CSNK1G1: variants seen among roughly 807,000 people sequenced by gnomAD.
CSNK1G1 encodes the protein casein kinase I isoform gamma-1.
A neutral mutation model predicts 59.6 loss-of-function variants in CSNK1G1; 22 were observed. The observed-to-expected ratio is 0.37, with a 90% CI of 0.26 to 0.53. The LOEUF is 0.53. Among genes scored for constraint, CSNK1G1 ranks in the 20% least tolerant of loss-of-function variants. CSNK1G1 has a pLI of 0.89. For missense variants in CSNK1G1, 384 were observed against 519.5 expected (o/e 0.74, Z 2.54); for synonymous variants, 179 against 177.1 (o/e 1.01, Z -0.08).
intron 1 of CSNK1G1, among the ~76,000 whole-genome samples, chr15:64,313,664 G>A (rs1896112689): frequency 6.6e-6 from 1 of 151,780 alleles, no homozygotes; most frequent in Non-Finnish European, 1.5e-5. Context: ...ATGGGTTGAT[G>A]GGTGCAGGAA....
At chr15:64,267,207 A>G (rs549474950) in intron 2 of CSNK1G1, among the ~76,000 whole-genome samples, 1 of 151,588 alleles carries the variant, frequency 6.6e-6, no homozygotes, top group South Asian at 2.1e-4. Context: ...AAGTGAGCCA[A>G]GACTGTGCCA....
intron 2 of CSNK1G1, chr15:64,265,990 G>A: frequency 3.1e-6 from 1 of 323,768 alleles, no homozygotes; most frequent in South Asian, 2.6e-5. Flanking sequence ...AGACTGAGAT[G>A]GGAAGAATGT....
rs2081596838 is a variant in CSNK1G1, at chr15:64,165,857, A to T, written c.*6074T>A. 1 of 440,414 alleles carries T rather than the reference A, an allele frequency of 2.3e-6. No homozygotes were observed. Among genetic ancestry groups the T allele is most frequent in the Non-Finnish European group, 4.0e-6 (1 of 249,306 alleles). 27.3% of individuals were successfully genotyped at this position (440,414 alleles called of 1,614,324 possible). On this transcript the variant is annotated 3_prime_UTR_variant, in exon 12 of 12. Coordinates refer to ENST00000303052, the MANE Select transcript of CSNK1G1 (RefSeq NM_022048.5). ...TTTGTGTTTTCCATGGTGCCCTAGG[A>T]AATGGGCTACTCTGAGATCACATAT...
chr15:64,213,820 G>T, intron 6 of CSNK1G1, 70 bp downstream of exon 6: 1 of 1,036,670 alleles, frequency 9.6e-7, no homozygotes, highest in Non-Finnish European at 1.5e-6. Context: ...GCACAATGGG[G>T]ATATAATGTT....
intron 6 of CSNK1G1, among the ~76,000 whole-genome samples, chr15:64,212,176 C>T (rs1056224765): frequency 1.3e-5 from 2 of 152,154 alleles, no homozygotes; most frequent in Admixed American, 6.5e-5. Context: ...TCCAAAGTAA[C>T]GCTGATAGTA....
intron 4 of CSNK1G1, among the ~76,000 whole-genome samples, chr15:64,229,952 C>T (rs2082523648): frequency 1.3e-5 from 1 of 77,182 alleles, no homozygotes; most frequent in Non-Finnish European, 2.5e-5. Flanking sequence ...GACAGAATCT[C>T]ACTCTGTCGC....
chr15:64,311,616 G>C lies in CSNK1G1; in HGVS notation c.-224-10893C>G, dbSNP rs1439196973. ...TGACATGCATGATGACCACGCCTGT[G>C]AATAGCTACTACATTCCAGCCTGGA... is the stretch of plus-strand genomic sequence containing the variant. On this transcript the variant is annotated intron_variant, in intron 1 of 11. Transcript: ENST00000303052. Among the ~76,000 whole-genome samples the C allele has an allele frequency of 6.5e-5, 9 of 138,092 alleles. No individual in the cohort carries two copies. In the East Asian group the frequency reaches 2.1e-3, roughly 32 times the overall value. The allele number at this position is 138,092 out of a possible 152,430, so 90.6% of individuals were successfully genotyped here. A position where few individuals can be genotyped will look rare whatever the true frequency, so the allele number is the denominator to read the frequency against.
rs1429311824 is a variant in CSNK1G1 at position 64,176,396 on chromosome 15, G to C, written c.1214+3952C>G. On this transcript the variant is annotated intron_variant, in intron 11 of 11. Coordinates refer to ENST00000303052, the MANE Select transcript of CSNK1G1 (RefSeq NM_022048.5). This position sits in a 1 kb window ranked among gnomAD's most constrained non-coding sequence, Gnocchi z 5.2. ...TCCCTGTGAGCCATGCAAACATGCA[G>C]TATGTGTCTGTGTTTAGTTTCTTCT... 2.5e-6 allele frequency: 1 copy of C among 397,354 alleles called. No individual in the cohort carries two copies. The highest frequency in any genetic ancestry group is 4.4e-6 in the Non-Finnish European group (1 of 225,630). 24.6% of individuals were successfully genotyped at this position (397,354 alleles called of 1,614,324 possible). A position where few individuals can be genotyped will look rare whatever the true frequency, so the allele number is the denominator to read the frequency against.
chr15:64,349,137 C>CAA (rs1258780843), intron 1 of CSNK1G1, among the ~76,000 whole-genome samples: 44 of 54,650 alleles, frequency 8.1e-4, no homozygotes, highest in African/African-American at 2.3e-3. Flanking sequence ...AACTCCACCT[C>CAA]AAAAAAAAAA....
intron 3 of CSNK1G1, among the ~76,000 whole-genome samples, chr15:64,255,261 G>A (rs1044983179): frequency 6.6e-6 from 1 of 151,916 alleles, no homozygotes; most frequent in African/African-American, 2.4e-5. Context: ...ATTTTTAGTA[G>A]AGACGAGGTT....
At position 64,213,964 on chromosome 15, in the gene CSNK1G1, T is replaced by C. The variant is rs773502562; in HGVS notation, c.605A>G (p.His202Arg). The C allele has an allele frequency of 6.2e-7, 1 of 1,614,218 alleles. No individual in the cohort carries two copies. The highest frequency in any genetic ancestry group is 1.7e-5 in the Admixed American group (1 of 60,022). The part of the protein sequence containing the change: ...KEYIDPETKK[H>R]IPYREHKSLT... ...ACTTTTGTGTTCCCTATAAGGTATG[T>C]GTTTTTTGGTTTCGGGGTCAATGTA... The change falls in exon 6 of 12, where the codon CAC becomes CGC. Residue 202 changes from histidine (H) to arginine (R), a missense_variant. By Grantham distance (29) the His-to-Arg change is conservative. Coordinates refer to ENST00000303052, the MANE Select transcript of CSNK1G1 (RefSeq NM_022048.5).
At chr15:64,194,439 A>G (rs2082011965) in intron 10 of CSNK1G1, 1 of 151,810 alleles carries the variant, frequency 6.6e-6, no homozygotes, top group South Asian at 2.1e-4. Flanking sequence ...AATTATGCTC[A>G]TAACAAGCTG....
intron 1 of CSNK1G1, among the ~76,000 whole-genome samples, chr15:64,326,916 C>T (rs535989681): frequency 1.3e-5 from 2 of 150,602 alleles, no homozygotes; most frequent in African/African-American, 2.4e-5. Flanking sequence ...GGGTGACGGA[C>T]GCACCTGGAA....
intron 11 of CSNK1G1, chr15:64,180,120 T>C: frequency 7.7e-6 from 4 of 520,212 alleles, no homozygotes; most frequent in East Asian, 6.5e-5. Context: ...CGGTTCACTA[T>C]GTCTTTTTCA....
intron 1 of CSNK1G1, among the ~76,000 whole-genome samples, chr15:64,322,739 G>T (rs1896628215): frequency 6.6e-6 from 1 of 152,052 alleles, no homozygotes; most frequent in African/African-American, 2.4e-5. Context: ...AGGCTGAAGT[G>T]GGATGATCAC....
intron 10 of CSNK1G1, among the ~76,000 whole-genome samples, chr15:64,185,741 G>A (rs1245185879): frequency 6.6e-6 from 1 of 151,756 alleles, no homozygotes; most frequent in Non-Finnish European, 1.5e-5. Flanking sequence ...GCACGTGCCT[G>A]TAATCCCAGC....
At chr15:64,295,034 A>G (rs1894945750) in intron 2 of CSNK1G1, among the ~76,000 whole-genome samples, 1 of 152,032 alleles carries the variant, frequency 6.6e-6, no homozygotes, top group Admixed American at 6.6e-5. Context: ...GATCAAGACC[A>G]TCCTGGCTAA....
chr15:64,255,879 A>G (rs572503631), intron 3 of CSNK1G1, among the ~76,000 whole-genome samples: 1 of 152,382 alleles, frequency 6.6e-6, no homozygotes, highest in Admixed American at 6.5e-5. Context: ...ATCTGTAGGA[A>G]GCGCTATGAA....
At chr15:64,193,311 G>A (rs755827069) in intron 10 of CSNK1G1, among the ~76,000 whole-genome samples, 1 of 151,992 alleles carries the variant, frequency 6.6e-6, no homozygotes, top group South Asian at 2.1e-4. Context: ...CCAACACGGT[G>A]AAACCCCGTC....
Sources: allele counts gnomAD v4.1 joint callset (sites outside exome capture counted in the v4.1 genomes callset), GRCh38; gene constraint gnomAD v4.1.1; non-coding constraint Gnocchi (gnomAD v3.1); transcripts MANE v1.5; gene names NCBI Gene and HGNC (gene_info 2026-07-23, HGNC 2026-07-21).